RIMKLA: variants seen among roughly 807,000 people sequenced by gnomAD.
RIMKLA encodes the protein ribosomal modification protein rimK like family member A.
Under a neutral mutation model 32.7 loss-of-function variants are expected in RIMKLA, and 14 were observed. That is an observed-to-expected ratio of 0.43 (90% CI 0.28 to 0.67). The LOEUF is 0.67. Ranked by LOEUF, RIMKLA falls within the 30% of genes least tolerant of loss-of-function variation. The pLI is 0.18. For synonymous variants in RIMKLA, 176 were observed against 204.1 expected (o/e 0.86, Z 1.18); for missense variants, 410 against 519.0 (o/e 0.79, Z 2.04).
At position 42,416,536 on chromosome 1, in the gene RIMKLA, A is replaced by G. The variant is rs150751848; in HGVS notation, c.*1562A>G. On this transcript the variant is annotated 3_prime_UTR_variant, in exon 5 of 5. Transcript: ENST00000431473. ...TTCCTCAAAAAATAGATCTACCCTT[A>G]AAGGACAAAGATTTACCAACACTGA... 347 of 152,256 alleles carry G rather than the reference A, an allele frequency of 2.3e-3. 3 individuals are homozygous for G. The highest frequency in any genetic ancestry group is 8.0e-3 in the African/African-American group (333 of 41,510). The allele number at this position is 152,256 out of a possible 1,614,324, so 9.4% of individuals were successfully genotyped here. A position where few individuals can be genotyped will look rare whatever the true frequency, so the allele number is the denominator to read the frequency against.
intron 4 of RIMKLA, among the ~76,000 whole-genome samples, chr1:42,413,852 C>A (rs1483327273): frequency 6.7e-6 from 1 of 149,598 alleles, no homozygotes; most frequent in Non-Finnish European, 1.5e-5. Context: ...CCCACCCCAG[C>A]CTCCCAAGTA....
Position 42,422,842 on chromosome 1 carries a change from C to T in RIMKLA, c.*7868C>T, listed in dbSNP as rs939634599. Among the ~76,000 whole-genome samples the T allele has an allele frequency of 2.0e-5, 3 of 152,192 alleles. No homozygotes were observed. Among genetic ancestry groups the T allele is most frequent in the African/African-American group, 7.2e-5 (3 of 41,436 alleles). ...AAGATGATGGAGGAAAATACTAATG[C>T]AGATGGCGTGAGCTTGTCACGGGCC... On this transcript the variant is annotated 3_prime_UTR_variant, in exon 5 of 5. Coordinates refer to ENST00000431473, the MANE Select transcript of RIMKLA (RefSeq NM_173642.4).
rs1230814759 is a variant in RIMKLA, at chr1:42,414,772, A to G, written c.974A>G (p.Glu325Gly). 6.2e-7 allele frequency: 1 copy of G among 1,614,170 alleles called. No homozygotes were observed. ...PGLSSPREKN[E>G]PDGCASAQGV... is the part of the protein sequence containing the mutation. ...CTGTCGAGTCCAAGGGAGAAGAACG[A>G]GCCGGATGGCTGTGCTTCAGCTCAG... The change falls in exon 5 of 5, where the codon GAG becomes GGG. Residue 325 changes from glutamate to glycine, a missense_variant. Transcript: ENST00000431473.
chr1:42,385,606 G>C (rs146573658), intron 1 of RIMKLA, among the ~76,000 whole-genome samples: 2,251 of 152,152 alleles, frequency 0.015, 38 homozygotes, highest in Non-Finnish European at 0.02. Context: ...GTTTCTAACA[G>C]GAGTTTTTAT....
At chr1:42,402,834 G>A (rs1423820426) in intron 2 of RIMKLA, among the ~76,000 whole-genome samples, 3 of 152,056 alleles carry the variant, frequency 2.0e-5, no homozygotes, top group South Asian at 2.1e-4. Context: ...CAGGCAGTCC[G>A]CCCACCTCGG....
intron 4 of RIMKLA, among the ~76,000 whole-genome samples, chr1:42,413,912 C>G: frequency 6.7e-6 from 1 of 149,796 alleles, no homozygotes; most frequent in Non-Finnish European, 1.5e-5. Context: ...GCCACCATAC[C>G]CACCTAGTTT....
Position 42,414,698 on chromosome 1 carries a change from G to A in RIMKLA, c.900G>A (p.Met300Ile). 1 of 1,614,214 alleles carries A rather than the reference G, an allele frequency of 6.2e-7. No homozygotes were observed. Among genetic ancestry groups the A allele is most frequent in the Non-Finnish European group, 8.5e-7 (1 of 1,180,032 alleles). The change falls in exon 5 of 5, where the codon ATG becomes ATA. Residue 300 changes from methionine (M) to isoleucine (I), a missense_variant. Coordinates refer to ENST00000431473, the MANE Select transcript of RIMKLA (RefSeq NM_173642.4). ...GTGGGATCATTGCAGACTATACCATGTCCTTGCTGCCAAATAGGCAGACTG... is the reference window on the plus strand; with the variant it reads ...GTGGGATCATTGCAGACTATACCATATCCTTGCTGCCAAATAGGCAGACTG... ...DVGGIIADYT[M>I]SLLPNRQTGK... is the part of the protein sequence containing the mutation.
At chr1:42,382,268 C>G (rs2148380801) in intron 1 of RIMKLA, among the ~76,000 whole-genome samples, 1 of 152,322 alleles carries the variant, frequency 6.6e-6, no homozygotes, top group South Asian at 2.1e-4. Flanking sequence ...CAATGACTAT[C>G]AGATGCAACC....
At chr1:42,391,031 T>C (rs897501376) in intron 1 of RIMKLA, among the ~76,000 whole-genome samples, 17 of 152,030 alleles carry the variant, frequency 1.1e-4, no homozygotes, top group Non-Finnish European at 2.1e-4. Context: ...TAGCTTCTTG[T>C]GGGGTCAATG....
At chr1:42,384,587 GTA>G (rs1194164186) in intron 1 of RIMKLA, among the ~76,000 whole-genome samples, 1 of 136,730 alleles carries the variant, frequency 7.3e-6, no homozygotes, top group Non-Finnish European at 1.5e-5. Flanking sequence ...ATATATGTGT[GTA>G]TATATGTATA....
chr1:42,384,613 A>G (rs190748514), intron 1 of RIMKLA, among the ~76,000 whole-genome samples: 1 of 83,358 alleles, frequency 1.2e-5, no homozygotes, highest in African/African-American at 4.4e-5. Context: ...GTATGTATAT[A>G]TATACTATAT....
rs1643153827 is a variant in RIMKLA at position 42,407,086 on chromosome 1, TA to T, written c.481+2490del. ...ATGCCTGGCTGATTTTTGCATTTTT[TA>T]TAGAGATGAGATTTTGTCATGTTGC... On this transcript the variant is annotated intron_variant, in intron 3 of 4. Transcript: ENST00000431473. 4.6e-5 allele frequency among the ~76,000 whole-genome samples: 7 copies of T among 152,214 alleles called. No homozygotes were observed. In the South Asian group the frequency reaches 1.5e-3, roughly 32 times the overall value.
rs1437180605 is a variant in RIMKLA at position 42,422,994 on chromosome 1, T to A, written c.*8020T>A. On this transcript the variant is annotated 3_prime_UTR_variant, in exon 5 of 5. Coordinates refer to ENST00000431473, the MANE Select transcript of RIMKLA (RefSeq NM_173642.4). ...CAGGGGATTGAAAGAATCTGTGTAC[T>A]CACCAGAAGAACTCTGACAGGTCAG... Among the ~76,000 whole-genome samples, 3 of 152,172 alleles carry A rather than the reference T, an allele frequency of 2.0e-5. No individual in the cohort carries two copies. Among genetic ancestry groups the A allele is most frequent in the Non-Finnish European group, 2.9e-5 (2 of 68,032 alleles).
intron 1 of RIMKLA, among the ~76,000 whole-genome samples, chr1:42,389,642 T>C (rs1557751415): frequency 6.6e-6 from 1 of 151,956 alleles, no homozygotes; most frequent in Non-Finnish European, 1.5e-5. Context: ...TGAAATCCCG[T>C]CTCTACTAAA....
Position 42,423,047 on chromosome 1 carries a change from T to C in RIMKLA, c.*8073T>C, listed in dbSNP as rs974745909. Among the ~76,000 whole-genome samples the C allele has an allele frequency of 3.3e-5, 5 of 152,120 alleles. No individual in the cohort carries two copies. The highest frequency in any genetic ancestry group is 1.2e-4 in the African/African-American group (5 of 41,418). ...AGGGCCCTCAGGACTTGTGTTTGCC[T>C]GACATTTCAAGAGGCTTCCTGGGAG... On this transcript the variant is annotated 3_prime_UTR_variant, in exon 5 of 5. Transcript: ENST00000431473.
At chr1:42,391,785 A>C (rs976251740) in intron 1 of RIMKLA, among the ~76,000 whole-genome samples, 4 of 152,150 alleles carry the variant, frequency 2.6e-5, no homozygotes, top group African/African-American at 9.7e-5. Context: ...TTGTCTTCAT[A>C]GCTGAAGAAA....
intron 1 of RIMKLA, among the ~76,000 whole-genome samples, chr1:42,396,186 A>G (rs1380567667): frequency 7.0e-6 from 1 of 143,674 alleles, no homozygotes; most frequent in African/African-American, 2.6e-5. Context: ...CAGTGAGCTG[A>G]GAACACGCCA....
At chr1:42,400,682 T>C (rs973570233) in intron 2 of RIMKLA, among the ~76,000 whole-genome samples, 3 of 152,118 alleles carry the variant, frequency 2.0e-5, no homozygotes, top group Non-Finnish European at 4.4e-5. Flanking sequence ...TGAAGGATTA[T>C]AGGGGAGAGG....
chr1:42,404,339 C>A (rs959733091), intron 2 of RIMKLA, among the ~76,000 whole-genome samples, 172 bp from the exon 3 acceptor site: 3 of 152,168 alleles, frequency 2.0e-5, no homozygotes, highest in Non-Finnish European at 2.9e-5. Context: ...TCTCTGCTCC[C>A]ACCTTTTACC....
Sources: gnomAD v4.1 joint callset for allele counts (sites outside exome capture counted in the v4.1 genomes callset) on GRCh38, gnomAD v4.1.1 for gene constraint, MANE v1.5 for transcripts, NCBI Gene and HGNC (gene_info 2026-07-23, HGNC 2026-07-21) for gene names.